The following CMA1 variants were observed in gnomAD, a reference collection of about 807,000 sequenced individuals.
CMA1 encodes chymase.
In CMA1, 24 loss-of-function variants were observed where a neutral mutation model predicts 18.8. The observed-to-expected ratio is 1.28, with a 90% CI of 0.92 to 1.80. The LOEUF is 1.80. Ranked by LOEUF, CMA1 falls within the 40% of genes most tolerant of loss-of-function variation. The pLI is 0.00. For synonymous variants in CMA1, 152 were observed against 117.0 expected, an observed-to-expected ratio of 1.30 and a Z score of -1.93; for missense variants, 421 against 302.8, an observed-to-expected ratio of 1.39 and a Z score of -2.90.
At chr14:24,505,732 G>T (rs1249214320) in intron 4 of CMA1, 73 bp from the exon 5 acceptor site, 8 of 1,526,734 alleles carry the variant, frequency 5.2e-6, no homozygotes, top group Non-Finnish European at 7.0e-6. Flanking sequence ...CCAGCTTGGA[G>T]TCACAGTGAG....
In CMA1 at chr14:24,506,710, G is replaced by A. The variant is rs983628007; in HGVS notation, c.210-106C>T. On this transcript the variant is annotated intron_variant, in intron 2 of 4. Coordinates refer to ENST00000250378, the MANE Select transcript of CMA1 (RefSeq NM_001836.5). ...GAGGACTAAACTCTGTCACTGGGTC[G>A]CCGGACTCTACCCATCTCCCTTTTC... 6.9e-5 allele frequency: 95 copies of A among 1,383,936 alleles called. 2 individuals carry two copies. Among genetic ancestry groups the A allele is most frequent in the South Asian group, 4.5e-4 (33 of 74,048 alleles). 85.7% of individuals were successfully genotyped at this position (1,383,936 alleles called of 1,614,324 possible).
In CMA1 at chr14:24,506,274, C is replaced by G. The variant is rs760168991; in HGVS notation, c.354G>C (p.Glu118Asp). 5 of 1,613,732 alleles carry G rather than the reference C, an allele frequency of 3.1e-6. No homozygotes were observed. The highest frequency in any genetic ancestry group is 4.2e-6 in the Non-Finnish European group (5 of 1,179,922). The change falls in exon 4 of 5, where the codon GAG becomes GAC. Residue 118 changes from glutamate to aspartate, a missense_variant. Glu to Asp is a conservative substitution (Grantham distance 45, BLOSUM62 2). Transcript: ENST00000250378. Reference sequence around the variant, plus strand: ...CCACAGCCAGGGTCAGGCTGGCTTTCTCCTTCAACTGTGAAGGGAATGAAG... The same window carrying G: ...CCACAGCCAGGGTCAGGCTGGCTTTGTCCTTCAACTGTGAAGGGAATGAAG... The part of the protein sequence containing the change: ...HHDIMLLKLK[E>D]KASLTLAVGT...
At chr14:24,507,763 C>T (rs1383196887) in intron 1 of CMA1, among the ~76,000 whole-genome samples, 1 of 152,188 alleles carries the variant, frequency 6.6e-6, no homozygotes, top group East Asian at 1.9e-4. Context: ...CCCTGGCCCA[C>T]CCTCCTCTGT....
chr14:24,506,742 C>T (rs2043861029), intron 2 of CMA1, 138 bp from the exon 3 acceptor site: 1 of 1,030,352 alleles, frequency 9.7e-7, no homozygotes, highest in Non-Finnish European at 1.4e-6. Flanking sequence ...TTTCATGGGC[C>T]ACTTGTGGCA....
rs947954835 is a variant in CMA1 at position 24,508,218 on chromosome 14, G to A, written c.18C>T (p.Leu6=). The A allele has an allele frequency of 1.2e-6, 2 of 1,613,802 alleles. No homozygotes were observed. Among genetic ancestry groups the A allele is most frequent in the African/African-American group, 1.3e-5 (1 of 75,050 alleles). Residue 6 remains leucine (L), a synonymous_variant, in exon 1 of 5, where the codon CTC becomes CTT. Coordinates refer to ENST00000250378, the MANE Select transcript of CMA1 (RefSeq NM_001836.5). MLLLP[L]PLLLFLLCSR... is the part of the protein sequence containing the mutation. The stretch of plus-strand genomic sequence containing the variant: ...AGCACAAGAGAAAGAGCAGCAGGGG[G>A]AGAGGAAGAAGCAGCATCTTCCCAG...
chr14:24,505,430 C>A lies in CMA1; in HGVS notation c.*86G>T. The A allele has an allele frequency of 1.3e-6, 2 of 1,574,938 alleles. No homozygotes were observed. Among genetic ancestry groups the A allele is most frequent in the Non-Finnish European group, 1.7e-6 (2 of 1,146,792 alleles). ...GAGGCTTAGGGTTGTGGCTGAGGGA[C>A]CAAGGGTAGACCAGAATGAGTGGCA... On this transcript the variant is annotated 3_prime_UTR_variant, in exon 5 of 5. Coordinates refer to ENST00000250378, the MANE Select transcript of CMA1 (RefSeq NM_001836.5).
chr14:24,506,384 C>T (rs2138397889), intron 3 of CMA1, 85 bp downstream of exon 3: 7 of 1,594,686 alleles, frequency 4.4e-6, no homozygotes, highest in Non-Finnish European at 5.1e-6. Flanking sequence ...ATAGCCAAGT[C>T]CTAAGAAAAA....
chr14:24,507,259 C>A (rs1239696077), intron 2 of CMA1, 97 bp downstream of exon 2: 21 of 1,445,944 alleles, frequency 1.5e-5, no homozygotes, highest in Non-Finnish European at 1.5e-5. Flanking sequence ...TGACAAGACC[C>A]AGGACCCCCT....
Position 24,506,475 on chromosome 14 carries a change from T to C in CMA1, c.339A>G (p.Leu113=), listed in dbSNP as rs200529786. ...NTSTLHHDIM[L]LKLKEKASLT... ...AGAAGAGAGGTGTTGTCACCTTTAGTAACATGATATCGTGGTGAAGAGTAG... is the reference window on the plus strand; with the variant it reads ...AGAAGAGAGGTGTTGTCACCTTTAGCAACATGATATCGTGGTGAAGAGTAG... Residue 113 remains leucine (L), a synonymous_variant, in exon 3 of 5, where the codon TTA becomes TTG. Transcript: ENST00000250378. 6.1e-5 allele frequency: 98 copies of C among 1,614,182 alleles called. No individual in the cohort carries two copies. In the African/African-American group the frequency reaches 1.1e-3, roughly 18 times the overall value.
Position 24,506,490 on chromosome 14 carries a change from G to C in CMA1, c.324C>G (p.His108Gln). The C allele has an allele frequency of 1.2e-6, 2 of 1,614,194 alleles. No individual in the cohort carries two copies. The highest frequency in any genetic ancestry group is 2.2e-5 in the South Asian group (2 of 91,074). Residue 108 changes from histidine (H) to glutamine (Q), a missense_variant, in exon 3 of 5, where the codon CAC becomes CAG. His to Gln is a conservative substitution (Grantham distance 24, BLOSUM62 0). Transcript: ENST00000250378. ...TCACCTTTAGTAACATGATATCGTGGTGAAGAGTAGAAGTGTTATATTTTG... is the reference window on the plus strand; with the variant it reads ...TCACCTTTAGTAACATGATATCGTGCTGAAGAGTAGAAGTGTTATATTTTG... Reference protein sequence around the residue: ...RHPKYNTSTLHHDIMLLKLKE... With the variant: ...RHPKYNTSTLQHDIMLLKLKE...
chr14:24,505,671 GGA>G lies in CMA1; in HGVS notation c.601-14_601-13del. ...CCCCCAGAGTCTCCCTGTAGGGGGA[GGA>G]GAGAGAGAAGAAGGTGAGCCCGGGA... On this transcript the variant is annotated splice_polypyrimidine_tract_variant and intron_variant, in intron 4 of 4. Coordinates refer to ENST00000250378, the MANE Select transcript of CMA1 (RefSeq NM_001836.5). The G allele has an allele frequency of 6.3e-7, 1 of 1,593,452 alleles. No individual in the cohort carries two copies. Among genetic ancestry groups the G allele is most frequent in the Non-Finnish European group, 8.5e-7 (1 of 1,170,616 alleles).
chr14:24,505,777 C>G, intron 4 of CMA1, 118 bp from the exon 5 acceptor site: 3 of 1,289,310 alleles, frequency 2.3e-6, no homozygotes, highest in Non-Finnish European at 3.2e-6. Flanking sequence ...GAGCTCCTCA[C>G]TTATACATCT....
In CMA1 at chr14:24,507,118, C is replaced by A. The variant is rs568788760; in HGVS notation, c.209+238G>T. On this transcript the variant is annotated intron_variant, in intron 2 of 4. Transcript: ENST00000250378. ...TGGGTAGGGGTGAGGGGTGCTACTG[C>A]AACAAGAGGGACCTTGGACAGGACC... Among the ~76,000 whole-genome samples the A allele has an allele frequency of 1.5e-4, 23 of 152,244 alleles. 1 individual carries two copies. In the South Asian group the frequency reaches 4.6e-3, roughly 30 times the overall value.
rs1442505894 is a variant in CMA1, at chr14:24,505,616, C to T, written c.644G>A (p.Gly215Asp). 3 of 1,613,572 alleles carry T rather than the reference C, an allele frequency of 1.9e-6. No individual in the cohort carries two copies. The highest frequency in any genetic ancestry group is 2.5e-6 in the Non-Finnish European group (3 of 1,179,926). Reference protein sequence around the residue: ...GPLLCAGVAQGIVSYGRSDAK... With the variant: ...GPLLCAGVAQDIVSYGRSDAK... ...ATCCGACCGTCCATAGGATACGATG[C>T]CCTGGGCCACCCCAGCACACAGAAG... The change falls in exon 5 of 5, where the codon GGC (glycine) becomes GAC (aspartate). Residue 215 changes from glycine (G) to aspartate (D), a missense_variant. Transcript: ENST00000250378.
In CMA1 at chr14:24,507,656, G is replaced by A. The variant is rs80210673; in HGVS notation, c.59-150C>T. ...TTCCCTCTCCTGTCTCCTGTATTTC[G>A]TATCTTTCCCCACCCATAACCTCCC... is the stretch of plus-strand genomic sequence containing the variant. On this transcript the variant is annotated intron_variant, in intron 1 of 4. Coordinates refer to ENST00000250378, the MANE Select transcript of CMA1 (RefSeq NM_001836.5). 6.5e-4 allele frequency: 583 copies of A among 899,718 alleles called. 4 individuals carry two copies. In the African/African-American group the frequency reaches 8.0e-3, roughly 12 times the overall value. The allele number at this position is 899,718 out of a possible 1,614,324, so 55.7% of individuals were successfully genotyped here.
At chr14:24,507,605 C>T in intron 1 of CMA1, 99 bp from the exon 2 acceptor site, 1 of 1,382,124 alleles carries the variant, frequency 7.2e-7, no homozygotes, top group Non-Finnish European at 1.0e-6. Flanking sequence ...CCTGGAATCT[C>T]ATTCTCACCC....
At chr14:24,505,770 C>A (rs1566531582) in intron 4 of CMA1, 111 bp from the exon 5 acceptor site, 8 of 1,358,940 alleles carry the variant, frequency 5.9e-6, no homozygotes, top group Admixed American at 2.3e-5. Flanking sequence ...GGAGGTGGAG[C>A]TCCTCACTTA....
chr14:24,506,459 G>T lies in CMA1; in HGVS notation c.345+10C>A, dbSNP rs145194308. 5.2e-5 allele frequency: 84 copies of T among 1,613,890 alleles called. No individual in the cohort carries two copies. Among genetic ancestry groups the T allele is most frequent in the Non-Finnish European group, 6.8e-5 (80 of 1,179,952 alleles). Reference sequence around the variant, plus strand: ...TGGGAAGTGGAAAGGGAGAAGAGAGGTGTTGTCACCTTTAGTAACATGATA... The same window carrying T: ...TGGGAAGTGGAAAGGGAGAAGAGAGTTGTTGTCACCTTTAGTAACATGATA... On this transcript the variant is annotated intron_variant, in intron 3 of 4. Transcript: ENST00000250378.
chr14:24,508,059 C>T, intron 1 of CMA1, 119 bp downstream of exon 1: 1 of 973,946 alleles, frequency 1.0e-6, no homozygotes, highest in Non-Finnish European at 1.6e-6. Flanking sequence ...AAATTTCCCT[C>T]TGGGACTCTT....
Sources: allele counts gnomAD v4.1 joint callset (sites outside exome capture counted in the v4.1 genomes callset), GRCh38; gene constraint gnomAD v4.1.1; transcripts MANE v1.5; gene names NCBI Gene and HGNC (gene_info 2026-07-23, HGNC 2026-07-21).